The following JADE3 variants were observed in gnomAD, a reference collection of about 807,000 sequenced individuals.
JADE3 encodes the protein protein Jade-3.
In JADE3, 2 loss-of-function variants were observed where a neutral mutation model predicts 50.1. That is an observed-to-expected ratio of 0.04 (90% CI 0.02 to 0.13). The LOEUF (loss-of-function observed/expected upper bound fraction) is 0.13, where lower values mean the gene tolerates loss of function less well. Among genes scored for constraint, JADE3 ranks in the 10% least tolerant of loss-of-function variants. The probability of loss-of-function intolerance (pLI) is 1.00; values close to 1 mark genes in which losing one functional copy is unlikely to be tolerated. For synonymous variants in JADE3, 218 were observed against 232.9 expected (o/e 0.94, Z 0.58); for missense variants, 475 against 634.4 (o/e 0.75, Z 2.70).
chrX:46,952,726 G>T (rs1301644100), intron 1 of JADE3, among the ~76,000 whole-genome samples: 1 of 112,185 alleles, frequency 8.9e-6, no homozygotes, highest in Admixed American at 9.4e-5. Context: ...GGCCAGGTGC[G>T]GTGGCTCACG....
intron 1 of JADE3, among the ~76,000 whole-genome samples, chrX:46,938,554 C>CAA (rs1331189600): frequency 8.9e-6 from 1 of 111,850 alleles, no homozygotes; most frequent in Non-Finnish European, 1.9e-5. Context: ...TGTCAGCCAC[C>CAA]AAACATATTT....
intron 6 of JADE3, among the ~76,000 whole-genome samples, chrX:47,030,529 G>A (rs182051625): frequency 7.6e-4 from 85 of 111,606 alleles, no homozygotes; most frequent in Middle Eastern, 4.6e-3. Context: ...TCTGTTGGCT[G>A]AAAAGTGACT....
chrX:46,926,703 C>G, intron 1 of JADE3, among the ~76,000 whole-genome samples: 1 of 112,662 alleles, frequency 8.9e-6, no homozygotes, highest in Non-Finnish European at 1.9e-5. Context: ...AGCCACTGAT[C>G]TGTGTTCTAT....
At chrX:46,999,425 C>CATATATAATATATATATAT (rs1928220266) in intron 4 of JADE3, among the ~76,000 whole-genome samples, 1 of 99,244 alleles carries the variant, frequency 1.0e-5, no homozygotes, top group African/African-American at 3.8e-5. Context: ...CATATATATA[C>CATATATAATATATATATAT]ATATATAACA....
Position 46,921,660 on chromosome X carries a change from A to G in JADE3, c.-12+8941A>G, listed in dbSNP as rs149171772. On this transcript the variant is annotated intron_variant, in intron 1 of 10. Transcript: ENST00000614628. ...TCTACCTTCATTTATTCCTTTTCCA[A>G]TGCTTTTCATTTCTTTATGGTAATC... is the stretch of plus-strand genomic sequence containing the variant. 2.7e-4 allele frequency among the ~76,000 whole-genome samples: 30 copies of G among 111,581 alleles called. No individual in the cohort carries two copies. In the East Asian group the frequency reaches 7.9e-3, roughly 29 times the overall value.
chrX:46,952,692 A>G (rs1317965201), intron 1 of JADE3, among the ~76,000 whole-genome samples: 2 of 112,141 alleles, frequency 1.8e-5, no homozygotes, highest in Admixed American at 1.9e-4. Flanking sequence ...ACAGAGAGAA[A>G]AAAAGTAAGA....
At chrX:47,001,855 A>G (rs1201663109) in intron 4 of JADE3, among the ~76,000 whole-genome samples, 1 of 111,918 alleles carries the variant, frequency 8.9e-6, no homozygotes, top group African/African-American at 3.2e-5. Context: ...ACTAGGAACT[A>G]GTCTTAAGGT....
chrX:46,926,011 A>C (rs1213972961), intron 1 of JADE3, among the ~76,000 whole-genome samples: 1 of 101,675 alleles, frequency 9.8e-6, no homozygotes, highest in African/African-American at 3.9e-5. Flanking sequence ...GTACACCACC[A>C]TGCCCAGCTA....
intron 1 of JADE3, among the ~76,000 whole-genome samples, chrX:46,984,630 G>A (rs1428677909): frequency 3.6e-5 from 4 of 112,208 alleles, no homozygotes; most frequent in African/African-American, 1.3e-4. Flanking sequence ...AGTTAGTGCT[G>A]TACCACTCAT....
chrX:47,059,808 C>G lies in JADE3; in HGVS notation c.*731C>G, dbSNP rs1025983156. 3 of 112,160 alleles carry G rather than the reference C, an allele frequency of 2.7e-5. No individual in the cohort carries two copies. Among genetic ancestry groups the G allele is most frequent in the African/African-American group, 6.5e-5 (2 of 30,787 alleles). The allele number at this position is 112,160 out of a possible 1,213,427, so 9.2% of individuals were successfully genotyped here. A position where few individuals can be genotyped will look rare whatever the true frequency, so the allele number is the denominator to read the frequency against. On this transcript the variant is annotated 3_prime_UTR_variant, in exon 11 of 11. Transcript: ENST00000614628. ...TACTTCCAAGGAAAATGCTCTGATT[C>G]TCTGTTTAGGCATTTGTGAAGGATT... is the stretch of plus-strand genomic sequence containing the variant.
intron 9 of JADE3, 93 bp downstream of exon 9, chrX:47,054,721 ATAGTGTGGGCT>A: frequency 1.9e-6 from 1 of 513,362 alleles, no homozygotes. Context: ...TCAGCTCATA[ATAGTGTGGGCT>A]TCTGTGTCCT....
At chrX:46,991,071 TCC>T (rs1174749618) in intron 3 of JADE3, among the ~76,000 whole-genome samples, 25 of 302 alleles carry the variant, frequency 0.083, 3 homozygotes, top group African/African-American at 0.13. Flanking sequence ...ACTCCCTCCC[TCC>T]CCCCCCCCCC....
chrX:46,944,675 C>G (rs939312169), intron 1 of JADE3, among the ~76,000 whole-genome samples: 4 of 110,536 alleles, frequency 3.6e-5, no homozygotes, highest in Non-Finnish European at 7.6e-5. Context: ...TTTTTTACAT[C>G]CCAGAGATTT....
At chrX:47,050,399 G>A (rs1410138246) in intron 8 of JADE3, among the ~76,000 whole-genome samples, 2 of 111,761 alleles carry the variant, frequency 1.8e-5, no homozygotes, top group African/African-American at 6.5e-5. Flanking sequence ...ACATTCAAAA[G>A]CCTCTCTTCT....
chrX:47,031,913 T>G (rs1556366812), intron 6 of JADE3, among the ~76,000 whole-genome samples: 1 of 110,976 alleles, frequency 9.0e-6, no homozygotes, highest in East Asian at 2.8e-4. Flanking sequence ...GACTATGTAC[T>G]TGGTGAGGGA....
intron 8 of JADE3, among the ~76,000 whole-genome samples, chrX:47,050,506 A>G (rs1929482230): frequency 9.0e-6 from 1 of 111,704 alleles, no homozygotes; most frequent in South Asian, 3.7e-4. Flanking sequence ...CTTCGTACCC[A>G]TTGACCAGCA....
intron 4 of JADE3, among the ~76,000 whole-genome samples, chrX:47,004,295 C>T (rs1556359836): frequency 8.9e-6 from 1 of 111,925 alleles, no homozygotes; most frequent in East Asian, 2.8e-4. Context: ...GGAAATATTC[C>T]TTCCTCTTCT....
chrX:47,014,282 T>G (rs1928625383), intron 4 of JADE3, among the ~76,000 whole-genome samples: 1 of 112,162 alleles, frequency 8.9e-6, no homozygotes, highest in Admixed American at 9.5e-5. Flanking sequence ...TGGTGTTGGC[T>G]GTTGTTTGTG....
chrX:46,990,051 A>G (rs985604241), intron 3 of JADE3, among the ~76,000 whole-genome samples: 1 of 102,513 alleles, frequency 9.8e-6, no homozygotes, highest in Non-Finnish European at 2.0e-5. Context: ...TATTCTTTAT[A>G]TATATATTCC....
Sources: allele counts gnomAD v4.1 joint callset (sites outside exome capture counted in the v4.1 genomes callset), GRCh38; gene constraint gnomAD v4.1.1; transcripts MANE v1.5; gene names NCBI Gene and HGNC (gene_info 2026-07-23, HGNC 2026-07-21).